The following GTF2A1 variants were observed in gnomAD, a reference collection of about 807,000 sequenced individuals.
The protein encoded by GTF2A1 is transcription initiation factor IIA subunit 1.
A neutral mutation model predicts 54.1 loss-of-function variants in GTF2A1; 12 were observed. The observed-to-expected ratio is 0.22, with a 90% CI of 0.14 to 0.36. GTF2A1 has a LOEUF of 0.36. Among genes scored for constraint, GTF2A1 ranks in the 10% least tolerant of loss-of-function variants. GTF2A1 has a pLI of 1.00. For missense variants in GTF2A1, 335 were observed against 442.2 expected, an observed-to-expected ratio of 0.76 and a Z score of 2.17; for synonymous variants, 145 against 152.0, an observed-to-expected ratio of 0.95 and a Z score of 0.34.
chr14:81,177,089 G>C lies in GTF2A1; in HGVS notation c.*3134C>G, dbSNP rs575238750. ...ATCTGTGACTTTCATTATAGCAAAA[G>C]AAAATATTCATATAAAAGCTATATG... On this transcript the variant is annotated 3_prime_UTR_variant, in exon 9 of 9. Coordinates refer to ENST00000553612, the MANE Select transcript of GTF2A1 (RefSeq NM_015859.4). 4 of 151,912 alleles carry C rather than the reference G, an allele frequency of 2.6e-5. No homozygotes were observed. The South Asian group carries it at 8.3e-4, about 32-fold the overall frequency. 9.4% of individuals were successfully genotyped at this position (151,912 alleles called of 1,614,324 possible).
chr14:81,203,040 G>T (rs1288627176), intron 3 of GTF2A1, among the ~76,000 whole-genome samples: 1 of 152,150 alleles, frequency 6.6e-6, no homozygotes, highest in Admixed American at 6.5e-5. Flanking sequence ...TACTTCTAGT[G>T]TCCTCTCCCA....
intron 7 of GTF2A1, among the ~76,000 whole-genome samples, chr14:81,188,732 G>A (rs988037108): frequency 3.3e-5 from 5 of 149,434 alleles, no homozygotes; most frequent in South Asian, 2.1e-4. Flanking sequence ...AGCCGACATC[G>A]CGCCACTGCA....
intron 7 of GTF2A1, among the ~76,000 whole-genome samples, chr14:81,188,074 A>G (rs755194863): frequency 4.6e-5 from 7 of 152,228 alleles, no homozygotes; most frequent in Non-Finnish European, 1.0e-4. Flanking sequence ...TTCTCTAATG[A>G]CTAATGATGC....
chr14:81,198,111 A>C (rs895752744), intron 4 of GTF2A1, among the ~76,000 whole-genome samples: 4 of 152,220 alleles, frequency 2.6e-5, no homozygotes, highest in Non-Finnish European at 5.9e-5. Flanking sequence ...TAGGTGAAAC[A>C]TGCATTAATA....
intron 6 of GTF2A1, 48 bp downstream of exon 6, chr14:81,196,060 C>G (rs756557878): frequency 1.3e-6 from 2 of 1,555,100 alleles, no homozygotes; most frequent in Admixed American, 3.4e-5. Flanking sequence ...GGAATACATA[C>G]AGAATAAAAC....
rs190275065 is a variant in GTF2A1 at position 81,178,920 on chromosome 14, C to T, written c.*1303G>A. On this transcript the variant is annotated 3_prime_UTR_variant, in exon 9 of 9. Transcript: ENST00000553612. ...AACACAGCAGTGCCATATTGTTCTT[C>T]AGAGCCCCTTACAGAATACAGACCT... 9.2e-5 allele frequency: 14 copies of T among 152,312 alleles called. No individual in the cohort carries two copies. Among genetic ancestry groups the T allele is most frequent in the Admixed American group, 3.9e-4 (6 of 15,300 alleles). 9.4% of individuals were successfully genotyped at this position (152,312 alleles called of 1,614,324 possible).
In GTF2A1 at chr14:81,177,153, A is replaced by G. The variant is rs1892546330; in HGVS notation, c.*3070T>C. ...CCAGAATCTATTATGCTCATTAAGC[A>G]CACATTTTAATTACTACACACTGCT... On this transcript the variant is annotated 3_prime_UTR_variant, in exon 9 of 9. Transcript: ENST00000553612. The G allele has an allele frequency of 6.6e-6, 1 of 152,160 alleles. No individual in the cohort carries two copies. Among genetic ancestry groups the G allele is most frequent in the African/African-American group, 2.4e-5 (1 of 41,472 alleles). The allele number at this position is 152,160 out of a possible 1,614,324, so 9.4% of individuals were successfully genotyped here. A position where few individuals can be genotyped will look rare whatever the true frequency, so the allele number is the denominator to read the frequency against.
intron 2 of GTF2A1, chr14:81,210,073 A>G (rs1893329075): frequency 2.5e-5 from 9 of 358,506 alleles, no homozygotes; most frequent in South Asian, 1.7e-4. Context: ...GAATTGCAAC[A>G]TTCCTGGCTC....
chr14:81,180,207 GA>G lies in GTF2A1; in HGVS notation c.*15del. 4 of 938,120 alleles carry G rather than the reference GA, an allele frequency of 4.3e-6. No homozygotes were observed. Among genetic ancestry groups the G allele is most frequent in the Non-Finnish European group, 4.8e-6 (3 of 620,028 alleles). The allele number at this position is 938,120 out of a possible 1,614,324, so 58.1% of individuals were successfully genotyped here. On this transcript the variant is annotated 3_prime_UTR_variant, in exon 9 of 9. Coordinates refer to ENST00000553612, the MANE Select transcript of GTF2A1 (RefSeq NM_015859.4). ...TTTTAAGTTTCTTTTATTTATAAAA[GA>G]AAAAAAGCAACTCTTCACCATTCTG...
intron 2 of GTF2A1, among the ~76,000 whole-genome samples, chr14:81,210,486 GAAAAT>G (rs1190127693): frequency 6.6e-6 from 1 of 152,124 alleles, no homozygotes; most frequent in East Asian, 1.9e-4. Context: ...CCAACATGAT[GAAAAT>G]AAAATAAATA....
chr14:81,196,189 C>G lies in GTF2A1; in HGVS notation c.531G>C (p.Gln177His). 6 of 1,614,030 alleles carry G rather than the reference C, an allele frequency of 3.7e-6. No homozygotes were observed. Among genetic ancestry groups the G allele is most frequent in the Non-Finnish European group, 5.1e-6 (6 of 1,179,910 alleles). The change falls in exon 6 of 9, where the codon CAG (glutamine) becomes CAC (histidine). Residue 177 changes from glutamine to histidine, a missense_variant. Physicochemically the swap from Gln to His is conservative, Grantham distance 24 (BLOSUM62 0). Coordinates refer to ENST00000553612, the MANE Select transcript of GTF2A1 (RefSeq NM_015859.4). Reference sequence around the variant, plus strand: ...GTTGTAGAACCACTGACTGCTGAGGCTGAAAGATATATTGGGCACCATTGG... The same window carrying G: ...GTTGTAGAACCACTGACTGCTGAGGGTGAAAGATATATTGGGCACCATTGG... ...RAANGAQYIF[Q>H]PQQSVVLQQQ...
At chr14:81,206,144 A>C (rs1046247228) in intron 2 of GTF2A1, among the ~76,000 whole-genome samples, 1 of 152,190 alleles carries the variant, frequency 6.6e-6, no homozygotes, top group Non-Finnish European at 1.5e-5. Flanking sequence ...TCGACCCATC[A>C]CTTCTACGAA....
At chr14:81,210,992 A>G (rs141812912) in intron 2 of GTF2A1, among the ~76,000 whole-genome samples, 98 of 152,314 alleles carry the variant, frequency 6.4e-4, no homozygotes, top group African/African-American at 2.2e-3. Context: ...TGTGTTGACT[A>G]ATAACTAAAA....
chr14:81,177,699 G>T lies in GTF2A1; in HGVS notation c.*2524C>A, dbSNP rs1892556650. On this transcript the variant is annotated 3_prime_UTR_variant, in exon 9 of 9. Transcript: ENST00000553612. ...CAAATTCTGAAAGTGGAAATCCCTT[G>T]CCTTTTCAAAGGAATGACATTTTAA... The T allele has an allele frequency of 6.6e-6, 1 of 152,016 alleles. No homozygotes were observed. The highest frequency in any genetic ancestry group is 6.5e-5 in the Admixed American group (1 of 15,270). The allele number at this position is 152,016 out of a possible 1,614,324, so 9.4% of individuals were successfully genotyped here.
chr14:81,215,999 G>A lies in GTF2A1; in HGVS notation c.132+414C>T, dbSNP rs535327453. On this transcript the variant is annotated intron_variant, in intron 2 of 8. Coordinates refer to ENST00000553612, the MANE Select transcript of GTF2A1 (RefSeq NM_015859.4). ...TGTGCCACTGCACTCCAGCCTGGGC[G>A]ACAGAGCCCGACCCTGTCTCAAAAA... is the stretch of plus-strand genomic sequence containing the variant. Among the ~76,000 whole-genome samples the A allele has an allele frequency of 7.2e-5, 11 of 152,278 alleles. 1 individual carries two copies. Among genetic ancestry groups the A allele is most frequent in the African/African-American group, 1.9e-4 (8 of 41,558 alleles).
intron 4 of GTF2A1, among the ~76,000 whole-genome samples, chr14:81,200,976 C>CTA (rs1341789399): frequency 1.3e-5 from 2 of 151,336 alleles, no homozygotes; most frequent in African/African-American, 4.9e-5. Flanking sequence ...TACAGTTAAC[C>CTA]TATACTACAT....
At position 81,198,559 on chromosome 14, in the gene GTF2A1, A is replaced by C. The variant is rs191329169; in HGVS notation, c.403-1075T>G. Among the ~76,000 whole-genome samples, 136 of 152,282 alleles carry C rather than the reference A, an allele frequency of 8.9e-4. 1 individual carries two copies. Among genetic ancestry groups the C allele is most frequent in the African/African-American group, 3.2e-3 (133 of 41,568 alleles). On this transcript the variant is annotated intron_variant, in intron 4 of 8. Transcript: ENST00000553612. ...TTCTTGACTTCCTGGAGAGTTCTGGAGAGTTTTCTCCTCCTGTCCTCCCGC... is the reference window on the plus strand; with the variant it reads ...TTCTTGACTTCCTGGAGAGTTCTGGCGAGTTTTCTCCTCCTGTCCTCCCGC...
At chr14:81,194,973 C>G (rs1892957993) in intron 6 of GTF2A1, among the ~76,000 whole-genome samples, 1 of 151,902 alleles carries the variant, frequency 6.6e-6, no homozygotes, top group African/African-American at 2.4e-5. Flanking sequence ...AACTCTGTCT[C>G]TATTAAAAAT....
chr14:81,206,641 T>A (rs1287523598), intron 2 of GTF2A1, among the ~76,000 whole-genome samples: 1 of 152,220 alleles, frequency 6.6e-6, no homozygotes, highest in African/African-American at 2.4e-5. Flanking sequence ...TGGGGGTTAT[T>A]CAGGTTATTC....
Sources: allele counts gnomAD v4.1 joint callset (sites outside exome capture counted in the v4.1 genomes callset), GRCh38; gene constraint gnomAD v4.1.1; transcripts MANE v1.5; gene names NCBI Gene and HGNC (gene_info 2026-07-23, HGNC 2026-07-21).